The following LRRC41 variants were observed in gnomAD, a reference collection of about 807,000 sequenced individuals.
The protein encoded by LRRC41 is leucine rich repeat containing 41.
LRRC41 carries 17 observed loss-of-function variants against 72.1 expected under a neutral mutation model. The ratio of observed to expected loss-of-function variants is 0.24; its 90% CI spans 0.16 to 0.35. The LOEUF is 0.35. Ranked by LOEUF, LRRC41 falls within the 10% of genes least tolerant of loss-of-function variation. LRRC41 has a pLI of 1.00. For synonymous variants in LRRC41, 427 were observed against 431.0 expected (o/e 0.99, Z 0.11); for missense variants, 759 against 1,065.0 (o/e 0.71, Z 4.00).
intron 3 of LRRC41, among the ~76,000 whole-genome samples, chr1:46,290,916 G>GT (rs71062750): frequency 0.18 from 11,710 of 65,490 alleles, 2,016 homozygotes; most frequent in Admixed American, 0.24. Flanking sequence ...CCTGTTTCTA[G>GT]TTTTTTTTTT....
Position 46,280,364 on chromosome 1 carries a change from CCT to C in LRRC41, c.1921+30_1921+31del, listed in dbSNP as rs1660746527. ...GAACAGTGCTAGGTCCCCACCTACT[CCT>C]CTCCCTTCACCATTCTGGCTGGGTC... On this transcript the variant is annotated intron_variant, in intron 6 of 9. Transcript: ENST00000617190. 5 of 1,614,078 alleles carry C rather than the reference CCT, an allele frequency of 3.1e-6. No homozygotes were observed. The African/African-American group carries it at 6.7e-5, about 22-fold the overall frequency.
Position 46,278,155 on chromosome 1 carries a change from G to T in LRRC41, c.*710C>A. The T allele has an allele frequency of 6.2e-7, 1 of 1,613,750 alleles. No individual in the cohort carries two copies. Among genetic ancestry groups the T allele is most frequent in the African/African-American group, 1.3e-5 (1 of 75,042 alleles). ...GACTGCACTTCAGACCTGGCAGGGT[G>T]GAACCACTGCACTGATAAGTGGGGG... On this transcript the variant is annotated 3_prime_UTR_variant, in exon 10 of 10. Transcript: ENST00000617190.
Position 46,283,481 on chromosome 1 carries a change from T to C in LRRC41, c.1495+1881A>G, listed in dbSNP as rs568504136. 1.1e-4 allele frequency among the ~76,000 whole-genome samples: 16 copies of C among 152,148 alleles called. No homozygotes were observed. In the East Asian group the frequency reaches 3.1e-3, roughly 29 times the overall value. ...TAAAAATATAAAAATGCATTCAAGTTGGATGTAATGAGTTGGGTGGGGTAT... is the reference window on the plus strand; with the variant it reads ...TAAAAATATAAAAATGCATTCAAGTCGGATGTAATGAGTTGGGTGGGGTAT... On this transcript the variant is annotated intron_variant, in intron 4 of 9. Transcript: ENST00000617190.
chr1:46,283,672 C>T (rs936379451), intron 4 of LRRC41, among the ~76,000 whole-genome samples: 14 of 151,798 alleles, frequency 9.2e-5, no homozygotes, highest in Non-Finnish European at 1.9e-4. Context: ...AGTGGGAAAG[C>T]TCTGAGGAAC....
chr1:46,285,365 T>C lies in LRRC41; in HGVS notation c.1492A>G (p.Asn498Asp), dbSNP rs1660863629. ...VSLESLTLSY[N>D]GLGSNIFRLL... ...CCTGCCACTCCAGGGTGCTCACCAT[T>C]GTAGGAGAGTGTGAGGCTCTCCAGT... The change falls in exon 4 of 10, where the codon AAT becomes GAT. Residue 498 changes from asparagine (N) to aspartate (D), a missense_variant. Around this residue, in one of 4 missense-constraint regions of LRRC41, gnomAD observed 427 missense variants for 520.9 expected, o/e 0.82. Transcript: ENST00000617190. The surrounding 1 kb of genome is among the most constrained non-coding windows in gnomAD (Gnocchi z 5.3). 1 of 1,614,006 alleles carries C rather than the reference T, an allele frequency of 6.2e-7. No individual in the cohort carries two copies. The highest frequency in any genetic ancestry group is 8.5e-7 in the Non-Finnish European group (1 of 1,179,942).
At chr1:46,300,521 G>C (rs1557719958) in intron 1 of LRRC41, 1 of 152,108 alleles carries the variant, frequency 6.6e-6, no homozygotes, top group Non-Finnish European at 1.5e-5. Flanking sequence ...CACGAATGTA[G>C]TCCACATCAC....
At chr1:46,301,801 C>G (rs1661232243) in intron 1 of LRRC41, among the ~76,000 whole-genome samples, 3 of 152,088 alleles carry the variant, frequency 2.0e-5, no homozygotes, top group Admixed American at 2.0e-4. Flanking sequence ...CCCCGCGCCG[C>G]TTCCAGGCCC....
chr1:46,283,809 G>A (rs1169631495), intron 4 of LRRC41, among the ~76,000 whole-genome samples: 1 of 151,936 alleles, frequency 6.6e-6, no homozygotes, highest in Non-Finnish European at 1.5e-5. Flanking sequence ...GGGATTACAG[G>A]CGCCCACCAT....
Position 46,295,306 on chromosome 1 carries a change from C to G in LRRC41, c.357+2257G>C, listed in dbSNP as rs984443602. Among the ~76,000 whole-genome samples, 9 of 152,314 alleles carry G rather than the reference C, an allele frequency of 5.9e-5. No individual in the cohort carries two copies. The East Asian group carries it at 1.7e-3, about 29-fold the overall frequency. ...GAGCTCCTGGGTTCAAGTGATCCAC[C>G]TGCCTCAGCCTCCCAAAGTGCTAAG... On this transcript the variant is annotated intron_variant, in intron 3 of 9. Transcript: ENST00000617190.
At chr1:46,280,871 A>T (rs1240708481) in intron 5 of LRRC41, among the ~76,000 whole-genome samples, 2 of 152,196 alleles carry the variant, frequency 1.3e-5, no homozygotes, top group Non-Finnish European at 2.9e-5. Flanking sequence ...GAACTAATCC[A>T]GTCTAAAGAT....
chr1:46,287,620 C>T (rs1233359940), intron 3 of LRRC41, among the ~76,000 whole-genome samples: 1 of 152,206 alleles, frequency 6.6e-6, no homozygotes, highest in Non-Finnish European at 1.5e-5. Context: ...TTGCTCTAGC[C>T]AAGCTGGTCA....
At chr1:46,303,027 C>A (rs1459964393) in intron 1 of LRRC41, 97 bp downstream of exon 1, 1 of 1,338,698 alleles carries the variant, frequency 7.5e-7, no homozygotes, top group Non-Finnish European at 9.5e-7. Context: ...CCAGGCTGGG[C>A]CTTGCCCCGG....
In LRRC41 at chr1:46,302,806, C is replaced by T; in HGVS notation, c.199+318G>A. On this transcript the variant is annotated intron_variant, in intron 1 of 9. Transcript: ENST00000617190. This position sits in a 1 kb window ranked among gnomAD's most constrained non-coding sequence, Gnocchi z 4.7. ...TCTCCTGCCCGGCCCAGCCGAGTGT[C>T]AGTTCGCGCGGCCCACAGCCGCAAT... 1 of 985,264 alleles carries T rather than the reference C, an allele frequency of 1.0e-6. No individual in the cohort carries two copies. Among genetic ancestry groups the T allele is most frequent in the African/African-American group, 1.7e-5 (1 of 57,312 alleles). 61.0% of individuals were successfully genotyped at this position (985,264 alleles called of 1,614,324 possible).
At position 46,303,106 on chromosome 1, in the gene LRRC41, C is replaced by A; in HGVS notation, c.199+18G>T. 1 of 1,381,946 alleles carries A rather than the reference C, an allele frequency of 7.2e-7. No individual in the cohort carries two copies. The highest frequency in any genetic ancestry group is 9.4e-7 in the Non-Finnish European group (1 of 1,069,064). 85.6% of individuals were successfully genotyped at this position (1,381,946 alleles called of 1,614,324 possible). A position where few individuals can be genotyped will look rare whatever the true frequency, so the allele number is the denominator to read the frequency against. ...CCCTTGCTCTTAGCCAGAGGTAGCCCCTCACCCCGCGACTTACCCCACACC... is the reference window on the plus strand; with the variant it reads ...CCCTTGCTCTTAGCCAGAGGTAGCCACTCACCCCGCGACTTACCCCACACC... On this transcript the variant is annotated intron_variant, in intron 1 of 9. Transcript: ENST00000617190.
At position 46,302,142 on chromosome 1, in the gene LRRC41, G is replaced by T; in HGVS notation, c.199+982C>A. 1.0e-6 allele frequency: 1 copy of T among 985,130 alleles called. No individual in the cohort carries two copies. The highest frequency in any genetic ancestry group is 1.2e-6 in the Non-Finnish European group (1 of 829,808). 61.0% of individuals were successfully genotyped at this position (985,130 alleles called of 1,614,324 possible). On this transcript the variant is annotated intron_variant, in intron 1 of 9. Coordinates refer to ENST00000617190, the MANE Select transcript of LRRC41 (RefSeq NM_006369.5). The surrounding 1 kb of genome is among the most constrained non-coding windows in gnomAD (Gnocchi z 4.7). ...GCGCCCCAGGCCGCCCTCCATCCAGGCCCGGCCCTTTGGTCCCGGCCGCCT... is the reference window on the plus strand; with the variant it reads ...GCGCCCCAGGCCGCCCTCCATCCAGTCCCGGCCCTTTGGTCCCGGCCGCCT...
Position 46,285,822 on chromosome 1 carries a change from TG to T in LRRC41, c.1034del (p.Pro345GlnfsTer44). ...TGCCAGGAGCCTCATGGGAGGTGGC[TG>T]GGGGGTGCAGCTCCCTCTTAAGGTC... is the stretch of plus-strand genomic sequence containing the variant. ...GTDLKRELHP[P>X]ATSHEAPGTK... is the part of the protein sequence containing the mutation. On this transcript the variant is annotated frameshift_variant, in exon 4 of 10. Transcript: ENST00000617190. LOFTEE classifies it high-confidence loss of function. The surrounding 1 kb of genome is among the most constrained non-coding windows in gnomAD (Gnocchi z 5.3). The T allele has an allele frequency of 6.9e-6, 11 of 1,595,150 alleles. No homozygotes were observed. Among genetic ancestry groups the T allele is most frequent in the Non-Finnish European group, 6.8e-6 (8 of 1,171,922 alleles).
intron 4 of LRRC41, 53 bp from the exon 5 acceptor site, chr1:46,281,438 AAT>A: frequency 6.5e-7 from 1 of 1,541,684 alleles, no homozygotes; most frequent in South Asian, 1.1e-5. Flanking sequence ...CAGCAGGGGT[AAT>A]ATATTCAAAT....
intron 4 of LRRC41, among the ~76,000 whole-genome samples, chr1:46,282,120 A>AT (rs1247138802): frequency 5.3e-5 from 8 of 152,180 alleles, no homozygotes; most frequent in Admixed American, 3.3e-4. Flanking sequence ...CAAGGCATGA[A>AT]TGAGACGCTT....
In LRRC41 at chr1:46,279,579, G is replaced by A. The variant is rs764869151; in HGVS notation, c.2056C>T (p.Arg686Cys). The A allele has an allele frequency of 4.3e-6, 7 of 1,614,154 alleles. No homozygotes were observed. The highest frequency in any genetic ancestry group is 1.7e-5 in the Admixed American group (1 of 60,008). ...ATCTCAGGCAGAAATTGGGCTGGGC[G>A]CTTCTCAAACAGACGGCAGAAGGAG... ...TFSFCRLFEK[R>C]PAQFLPEMVA... Residue 686 changes from arginine to cysteine, a missense_variant, in exon 8 of 10, where the codon CGC becomes TGC. This residue lies in a region of LRRC41 where 110 missense variants were observed against 227.0 expected (regional missense o/e 0.48). Transcript: ENST00000617190. The surrounding 1 kb of genome is among the most constrained non-coding windows in gnomAD (Gnocchi z 4.5).
Sources: allele counts gnomAD v4.1 joint callset (sites outside exome capture counted in the v4.1 genomes callset), GRCh38; gene constraint gnomAD v4.1.1; regional missense constraint gnomAD v4.1.1; non-coding constraint Gnocchi (gnomAD v3.1); transcripts MANE v1.5; gene names NCBI Gene and HGNC (gene_info 2026-07-23, HGNC 2026-07-21).